The following RNF168 variants were observed in gnomAD, a reference collection of about 807,000 sequenced individuals.
RNF168 encodes the protein ring finger protein 168.
A neutral mutation model predicts 34.9 loss-of-function variants in RNF168; 34 were observed. That is an observed-to-expected ratio of 0.97 (90% CI 0.74 to 1.30). The LOEUF (loss-of-function observed/expected upper bound fraction) is 1.30. Among genes scored for constraint, RNF168 ranks in the 50% most tolerant of loss-of-function variants. The pLI is 0.00. For synonymous variants in RNF168, 264 were observed against 254.7 expected (o/e 1.04, Z -0.35); for missense variants, 725 against 682.5 (o/e 1.06, Z -0.69).
At chr3:196,484,344 T>G (rs1472498399) in intron 3 of RNF168, among the ~76,000 whole-genome samples, 1 of 151,654 alleles carries the variant, frequency 6.6e-6, no homozygotes, top group African/African-American at 2.4e-5. Context: ...GCTAATTTTT[T>G]GTATTTTTTT....
chr3:196,493,136 T>C (rs1732636526), intron 1 of RNF168, among the ~76,000 whole-genome samples: 1 of 152,092 alleles, frequency 6.6e-6, no homozygotes, highest in Non-Finnish European at 1.5e-5. Flanking sequence ...GTCCAGAATA[T>C]AACTAGAACT....
intron 5 of RNF168, among the ~76,000 whole-genome samples, chr3:196,473,883 A>G (rs530494116): frequency 1.3e-5 from 2 of 152,104 alleles, no homozygotes; most frequent in African/African-American, 2.4e-5. Flanking sequence ...TGGGACTTCT[A>G]TAAGTTACTT....
At position 196,472,638 on chromosome 3, in the gene RNF168, T is replaced by TG. The variant is rs1732039015; in HGVS notation, c.896dup (p.Trp300MetfsTer12). 1 of 1,612,962 alleles carries TG rather than the reference T, an allele frequency of 6.2e-7. No individual in the cohort carries two copies. The highest frequency in any genetic ancestry group is 1.1e-5 in the South Asian group (1 of 91,060). ...ATTCGGCACCACAGGCACATAACCA[T>TG]GGCATAGGGGACTCTATTGAAGAAT... On this transcript the variant is annotated frameshift_variant, in exon 6 of 6. Coordinates refer to ENST00000318037, the MANE Select transcript of RNF168 (RefSeq NM_152617.4). LOFTEE classifies it low-confidence loss of function (END_TRUNC).
At chr3:196,492,361 A>G (rs1284648406) in intron 1 of RNF168, among the ~76,000 whole-genome samples, 1 of 152,130 alleles carries the variant, frequency 6.6e-6, no homozygotes, top group African/African-American at 2.4e-5. Context: ...TTAAGTAGCT[A>G]ATTTAGGAAA....
chr3:196,493,614 CTCCCGGGT>C (rs1042276041), intron 1 of RNF168, among the ~76,000 whole-genome samples: 3 of 152,144 alleles, frequency 2.0e-5, no homozygotes, highest in Admixed American at 6.6e-5. Flanking sequence ...CAGCCTCCAC[CTCCCGGGT>C]TCAAGCAATT....
At chr3:196,500,827 T>C (rs1732864019) in intron 1 of RNF168, among the ~76,000 whole-genome samples, 1 of 151,966 alleles carries the variant, frequency 6.6e-6, no homozygotes, top group African/African-American at 2.4e-5. Context: ...TTCTCCGGCC[T>C]CAGCCTCCCG....
In RNF168 at chr3:196,482,497, G is replaced by A. The variant is rs180875159; in HGVS notation, c.680+1273C>T. Among the ~76,000 whole-genome samples, 220 of 152,228 alleles carry A rather than the reference G, an allele frequency of 1.4e-3. 2 individuals are homozygous for A. Among genetic ancestry groups the A allele is most frequent in the African/African-American group, 4.9e-3 (204 of 41,532 alleles). ...AATTGCTGGGTCATATGCTAATTCC[G>A]TTTAACTTTTCAAGGAATCACCAAC... On this transcript the variant is annotated intron_variant, in intron 4 of 5. Coordinates refer to ENST00000318037, the MANE Select transcript of RNF168 (RefSeq NM_152617.4).
rs1019951934 is a variant in RNF168, at chr3:196,503,538, G to A, written c.-365C>T. The A allele has an allele frequency of 3.0e-6, 1 of 336,504 alleles. No individual in the cohort carries two copies. Among genetic ancestry groups the A allele is most frequent in the Non-Finnish European group, 5.8e-6 (1 of 173,594 alleles). 20.8% of individuals were successfully genotyped at this position (336,504 alleles called of 1,614,324 possible). Reference sequence around the variant, plus strand: ...GTCCTCTCCTCCCCTCACCCGGAAAGGATGCTCCGCTCAGCTCGGGGCAGC... The same window carrying A: ...GTCCTCTCCTCCCCTCACCCGGAAAAGATGCTCCGCTCAGCTCGGGGCAGC... On this transcript the variant is annotated 5_prime_UTR_variant, in exon 1 of 6. Transcript: ENST00000318037.
chr3:196,484,731 G>A (rs1732383496), intron 3 of RNF168, among the ~76,000 whole-genome samples: 1 of 152,048 alleles, frequency 6.6e-6, no homozygotes. Context: ...ATAGCTCACT[G>A]TAGCCTCAAC....
chr3:196,503,519 T>C lies in RNF168; in HGVS notation c.-346A>G, dbSNP rs957603333. ...AGCGAGGGGAACGCGCCAAGTCCTC[T>C]CCTCCCCTCACCCGGAAAGGATGCT... is the stretch of plus-strand genomic sequence containing the variant. On this transcript the variant is annotated 5_prime_UTR_variant, in exon 1 of 6. Transcript: ENST00000318037. The C allele has an allele frequency of 2.8e-6, 1 of 360,152 alleles. No homozygotes were observed. The highest frequency in any genetic ancestry group is 5.3e-6 in the Non-Finnish European group (1 of 187,572). 22.3% of individuals were successfully genotyped at this position (360,152 alleles called of 1,614,324 possible). A position where few individuals can be genotyped will look rare whatever the true frequency, so the allele number is the denominator to read the frequency against.
At chr3:196,492,212 T>G (rs985233659) in intron 1 of RNF168, among the ~76,000 whole-genome samples, 1 of 152,008 alleles carries the variant, frequency 6.6e-6, no homozygotes, top group East Asian at 1.9e-4. Context: ...AAATAGTAGC[T>G]AAGAGGCTGG....
chr3:196,491,227 A>C (rs112563185), intron 1 of RNF168, among the ~76,000 whole-genome samples: 15,444 of 152,094 alleles, frequency 0.1, 2,521 homozygotes, highest in African/African-American at 0.34. Flanking sequence ...GCAGTAGAAT[A>C]GCTTGAACCC....
At chr3:196,491,497 A>G (rs775281811) in intron 1 of RNF168, among the ~76,000 whole-genome samples, 1 of 150,886 alleles carries the variant, frequency 6.6e-6, no homozygotes, top group Non-Finnish European at 1.5e-5. Context: ...AAAAATACAA[A>G]AAGCCGGGAG....
intron 1 of RNF168, among the ~76,000 whole-genome samples, chr3:196,502,054 G>GAAAAAAAAAAAAAAAAA (rs554041803): frequency 6.0e-5 from 3 of 50,050 alleles, no homozygotes; most frequent in Non-Finnish European, 7.6e-5. Context: ...AAAAAAATTA[G>GAAAAAAAAAAAAAAAAA]AAAAAAAAAA....
In RNF168 at chr3:196,471,602, G is replaced by T; in HGVS notation, c.*217C>A. The T allele has an allele frequency of 3.6e-6, 2 of 555,474 alleles. No individual in the cohort carries two copies. Among genetic ancestry groups the T allele is most frequent in the Non-Finnish European group, 3.2e-6 (1 of 309,764 alleles). The allele number at this position is 555,474 out of a possible 1,614,324, so 34.4% of individuals were successfully genotyped here. A position where few individuals can be genotyped will look rare whatever the true frequency, so the allele number is the denominator to read the frequency against. On this transcript the variant is annotated 3_prime_UTR_variant, in exon 6 of 6. Transcript: ENST00000318037. ...GAATTGTAAAGCTTAATACACATCT[G>T]TTATTAAGAAGGGAAACGACAGGGG... is the stretch of plus-strand genomic sequence containing the variant.
Position 196,469,290 on chromosome 3 carries a change from T to C in RNF168, c.*2529A>G, listed in dbSNP as rs540391343. 36 of 152,356 alleles carry C rather than the reference T, an allele frequency of 2.4e-4. No individual in the cohort carries two copies. Among genetic ancestry groups the C allele is most frequent in the African/African-American group, 8.4e-4 (35 of 41,580 alleles). The allele number at this position is 152,356 out of a possible 1,614,324, so 9.4% of individuals were successfully genotyped here. On this transcript the variant is annotated 3_prime_UTR_variant, in exon 6 of 6. Coordinates refer to ENST00000318037, the MANE Select transcript of RNF168 (RefSeq NM_152617.4). Reference sequence around the variant, plus strand: ...TATTTTTACTTAACGACCCATGTGATAGTATAGTTGCAAGCTATACTTCAT... The same window carrying C: ...TATTTTTACTTAACGACCCATGTGACAGTATAGTTGCAAGCTATACTTCAT...
At position 196,472,520 on chromosome 3, in the gene RNF168, A is replaced by G; in HGVS notation, c.1015T>C (p.Tyr339His). The G allele has an allele frequency of 6.2e-7, 1 of 1,614,176 alleles. No homozygotes were observed. Among genetic ancestry groups the G allele is most frequent in the South Asian group, 1.1e-5 (1 of 91,084 alleles). Reference protein sequence around the residue: ...SHERPKTRVPYSKETAVMPCG... With the variant: ...SHERPKTRVPHSKETAVMPCG... ...GGCATAACTGCAGTTTCTTTCGAGT[A>G]GGGAACTCTGGTTTTAGGTCGCTCG... The change falls in exon 6 of 6, where the codon TAC becomes CAC. Residue 339 changes from tyrosine to histidine, a missense_variant. Transcript: ENST00000318037.
chr3:196,471,946 G>A lies in RNF168; in HGVS notation c.1589C>T (p.Ser530Leu). Residue 530 changes from serine to leucine, a missense_variant, in exon 6 of 6, where the codon TCA becomes TTA. Coordinates refer to ENST00000318037, the MANE Select transcript of RNF168 (RefSeq NM_152617.4). ...ATTTGGCATCTTTCTTCTATTAACT[G>A]ACTGCTTCAACTGCATCTTTAAAGA... ...QVSLKMQLKQ[S>L]VNRRKMPNST... 6.2e-7 allele frequency: 1 copy of A among 1,613,916 alleles called. No homozygotes were observed. The highest frequency in any genetic ancestry group is 8.5e-7 in the Non-Finnish European group (1 of 1,179,812).
In RNF168 at chr3:196,471,502, A is replaced by T. The variant is rs1732005925; in HGVS notation, c.*317T>A. The T allele has an allele frequency of 3.1e-6, 1 of 321,560 alleles. No homozygotes were observed. Among genetic ancestry groups the T allele is most frequent in the African/African-American group, 2.1e-5 (1 of 47,228 alleles). The allele number at this position is 321,560 out of a possible 1,614,324, so 19.9% of individuals were successfully genotyped here. ...CGACAAAAAGGTGAGCAAAGGCCATAAAACATGCAGTTTTTGGAAAGACAA... is the reference window on the plus strand; with the variant it reads ...CGACAAAAAGGTGAGCAAAGGCCATTAAACATGCAGTTTTTGGAAAGACAA... On this transcript the variant is annotated 3_prime_UTR_variant, in exon 6 of 6. Transcript: ENST00000318037.
Sources: allele counts gnomAD v4.1 joint callset (sites outside exome capture counted in the v4.1 genomes callset), GRCh38; gene constraint gnomAD v4.1.1; transcripts MANE v1.5; gene names NCBI Gene and HGNC (gene_info 2026-07-23, HGNC 2026-07-21).